Variants in CTNNA3 observed in about 807,000 individuals in gnomAD.
The protein encoded by CTNNA3 is catenin alpha-3.
A neutral mutation model predicts 95.7 loss-of-function variants in CTNNA3; 76 were observed. The observed-to-expected ratio is 0.79, with a 90% CI of 0.66 to 0.96. CTNNA3 has a LOEUF of 0.96. CTNNA3 is among the 40% of genes least tolerant of loss of function. The pLI is 0.00. For missense variants in CTNNA3, 1,191 were observed against 1,089.8 expected (o/e 1.09, Z -1.31); for synonymous variants, 431 against 374.4 (o/e 1.15, Z -1.74).
chr10:67,412,722 A>G (rs1170841232), intron 5 of CTNNA3, among the ~76,000 whole-genome samples: 3 of 152,092 alleles, frequency 2.0e-5, no homozygotes, highest in Non-Finnish European at 4.4e-5. Context: ...TAAAGAAAGG[A>G]AATTCCAACC....
At chr10:66,082,217 C>T (rs918205270) in intron 14 of CTNNA3, among the ~76,000 whole-genome samples, 5 of 151,480 alleles carry the variant, frequency 3.3e-5, no homozygotes, top group African/African-American at 9.7e-5. Context: ...AAAAAGCCAG[C>T]AACCAACACC....
intron 5 of CTNNA3, among the ~76,000 whole-genome samples, chr10:67,298,300 T>G (rs1396180062): frequency 6.6e-6 from 1 of 152,224 alleles, no homozygotes; most frequent in Non-Finnish European, 1.5e-5. Context: ...GAAGGTAATA[T>G]GTATTGCATT....
Position 66,647,678 on chromosome 10 carries a change from A to ATT in CTNNA3, c.1282-25896_1282-25895dup, listed in dbSNP as rs58907458. ...GGCACCTGCCACCACGCCCAGCTAA[A>ATT]TTTTTTTTTTTTTTGTATTTTTAGT... is the stretch of plus-strand genomic sequence containing the variant. On this transcript the variant is annotated intron_variant, in intron 9 of 17. Coordinates refer to ENST00000433211, the MANE Select transcript of CTNNA3 (RefSeq NM_013266.4). Among the ~76,000 whole-genome samples the ATT allele has an allele frequency of 1.7e-3, 236 of 142,326 alleles. 1 individual carries two copies. The highest frequency in any genetic ancestry group is 3.3e-3 in the East Asian group (16 of 4,782). 93.4% of individuals were successfully genotyped at this position (142,326 alleles called of 152,430 possible).
chr10:66,416,655 A>G (rs1374422414), intron 11 of CTNNA3, among the ~76,000 whole-genome samples: 2 of 152,014 alleles, frequency 1.3e-5, no homozygotes, highest in Non-Finnish European at 2.9e-5. Context: ...GAATGGGATA[A>G]TGTATTCAAA....
chr10:66,582,093 G>T (rs998416807), intron 10 of CTNNA3, among the ~76,000 whole-genome samples: 1 of 151,692 alleles, frequency 6.6e-6, no homozygotes, highest in African/African-American at 2.4e-5. Flanking sequence ...CTCCAGATTT[G>T]TTCTTTTCGT....
At chr10:66,576,821 G>C (rs897763020) in intron 10 of CTNNA3, among the ~76,000 whole-genome samples, 3 of 151,650 alleles carry the variant, frequency 2.0e-5, no homozygotes, top group African/African-American at 7.3e-5. Context: ...TTGGTAGAAT[G>C]ATTTATTTTC....
chr10:66,587,479 T>C lies in CTNNA3; in HGVS notation c.1374+34213A>G, dbSNP rs1015922065. ...AACATCCCTGTATATTGCACTGTGC[T>C]ACCAGGGCAGGTGGAGGGGCAAAGC... On this transcript the variant is annotated intron_variant, in intron 10 of 17. Coordinates refer to ENST00000433211, the MANE Select transcript of CTNNA3 (RefSeq NM_013266.4). Among the ~76,000 whole-genome samples, 3 of 152,066 alleles carry C rather than the reference T, an allele frequency of 2.0e-5. 1 individual carries two copies. The highest frequency in any genetic ancestry group is 4.4e-5 in the Non-Finnish European group (3 of 68,012).
intron 13 of CTNNA3, among the ~76,000 whole-genome samples, chr10:66,199,780 TATATATATATATATATATATATA>T (rs1209032362): frequency 2.2e-3 from 23 of 10,614 alleles, no homozygotes; most frequent in Non-Finnish European, 4.3e-3. Context: ...TATATATATA[TATATATATATATATATATATATA>T]TATTTTTTTT....
chr10:67,482,697 G>A (rs917762242), intron 5 of CTNNA3, among the ~76,000 whole-genome samples: 2 of 152,162 alleles, frequency 1.3e-5, no homozygotes, highest in Admixed American at 6.6e-5. Context: ...TCTGCAAACA[G>A]GGACAATTTG....
At chr10:66,213,307 G>C (rs1372144747) in intron 13 of CTNNA3, among the ~76,000 whole-genome samples, 1 of 151,770 alleles carries the variant, frequency 6.6e-6, no homozygotes, top group Non-Finnish European at 1.5e-5. Context: ...ACTACATCAT[G>C]TCCCATTTAG....
intron 5 of CTNNA3, among the ~76,000 whole-genome samples, chr10:67,407,301 G>T (rs1845172373): frequency 6.6e-6 from 1 of 152,068 alleles, no homozygotes; most frequent in African/African-American, 2.4e-5. Flanking sequence ...CACATAAACA[G>T]AACTAAAAAC....
At chr10:66,492,901 T>G (rs1216332899) in intron 11 of CTNNA3, among the ~76,000 whole-genome samples, 1 of 152,124 alleles carries the variant, frequency 6.6e-6, no homozygotes, top group East Asian at 1.9e-4. Flanking sequence ...TGGTTCTGCA[T>G]TTTTTTCCTG....
intron 5 of CTNNA3, among the ~76,000 whole-genome samples, chr10:67,353,893 T>G (rs1237446404): frequency 2.0e-5 from 3 of 152,038 alleles, no homozygotes; most frequent in African/African-American, 7.2e-5. Flanking sequence ...TCTCAGCCAC[T>G]GCCACCAATG....
intron 17 of CTNNA3, among the ~76,000 whole-genome samples, chr10:65,956,369 T>A (rs1349776796): frequency 6.6e-6 from 1 of 152,208 alleles, no homozygotes; most frequent in Non-Finnish European, 1.5e-5. Flanking sequence ...TTTGAAGGGT[T>A]TTTTGTGTCT....
At chr10:66,739,458 G>C (rs565862828) in intron 9 of CTNNA3, among the ~76,000 whole-genome samples, 4 of 152,122 alleles carry the variant, frequency 2.6e-5, no homozygotes, top group Non-Finnish European at 5.9e-5. Context: ...ATATCAGTGT[G>C]TATTTTCACA....
At chr10:67,562,671 T>C (rs990829661) in intron 3 of CTNNA3, among the ~76,000 whole-genome samples, 2 of 152,148 alleles carry the variant, frequency 1.3e-5, no homozygotes, top group Non-Finnish European at 2.9e-5. Context: ...ATAAAGGGTA[T>C]TCAATTAGGA....
chr10:66,881,248 C>A (rs1408356315), intron 7 of CTNNA3, among the ~76,000 whole-genome samples: 1 of 152,134 alleles, frequency 6.6e-6, no homozygotes, highest in Non-Finnish European at 1.5e-5. Context: ...CTGGTGTTCA[C>A]ACACAAAGCC....
chr10:66,394,783 C>T (rs2394207), intron 11 of CTNNA3, among the ~76,000 whole-genome samples: 98,008 of 151,720 alleles, frequency 0.65, 33,280 homozygotes, highest in East Asian at 0.88. Flanking sequence ...GTTCAAAATA[C>T]AGAACAACTT....
intron 7 of CTNNA3, among the ~76,000 whole-genome samples, chr10:66,963,855 T>C (rs1294875906): frequency 1.3e-5 from 2 of 151,902 alleles, no homozygotes; most frequent in Non-Finnish European, 2.9e-5. Flanking sequence ...ATTTTTTTTT[T>C]TTTTTTAAGA....
Sources: gnomAD v4.1 joint callset for allele counts (sites outside exome capture counted in the v4.1 genomes callset) on GRCh38, gnomAD v4.1.1 for gene constraint, MANE v1.5 for transcripts, NCBI Gene and HGNC (gene_info 2026-07-23, HGNC 2026-07-21) for gene names.